Variants in COL28A1 observed in about 807,000 individuals in gnomAD.
The protein encoded by COL28A1 is collagen alpha-1(XXVIII) chain.
A neutral mutation model predicts 150.2 loss-of-function variants in COL28A1; 161 were observed. The observed-to-expected ratio is 1.07, with a 90% confidence interval of 0.94 to 1.22. The LOEUF is 1.22. Ranked by LOEUF, COL28A1 falls within the 50% of genes most tolerant of loss-of-function variation. The pLI is 0.00. For synonymous variants in COL28A1, 552 were observed against 469.7 expected (o/e 1.18, Z -2.26); for missense variants, 1,617 against 1,388.3 (o/e 1.16, Z -2.62).
At chr7:7,360,260 T>C in intron 34 of COL28A1, 130 bp downstream of exon 34, 1 of 827,230 alleles carries the variant, frequency 1.2e-6, no homozygotes, top group Non-Finnish European at 1.8e-6. Flanking sequence ...ATTTTCTCTC[T>C]GGGTAACCCT....
the COL28A1 span, among the ~76,000 whole-genome samples, chr7:7,342,960 T>C: frequency 6.6e-6 from 1 of 151,990 alleles, no homozygotes. Flanking sequence ...CATCAGTAAA[T>C]GCCTATTTCA....
chr7:7,436,241 T>C (rs1785332369), intron 23 of COL28A1, among the ~76,000 whole-genome samples, 154 bp downstream of exon 23: 1 of 152,228 alleles, frequency 6.6e-6, no homozygotes, highest in South Asian at 2.1e-4. Flanking sequence ...AACTATGTGA[T>C]TGCTTGTTTT....
intron 20 of COL28A1, among the ~76,000 whole-genome samples, 180 bp from the exon 21 acceptor site, chr7:7,441,041 A>C (rs532862812): frequency 6.6e-6 from 1 of 152,300 alleles, no homozygotes; most frequent in African/African-American, 2.4e-5. Context: ...ATGACTTCAG[A>C]TTGTTCAGCC....
At chr7:7,438,294 A>G (rs1266944068) in intron 21 of COL28A1, among the ~76,000 whole-genome samples, 1 of 152,178 alleles carries the variant, frequency 6.6e-6, no homozygotes. Flanking sequence ...GACATTTTTA[A>G]TAGAAAATTT....
At chr7:7,367,023 G>A (rs1322354515) in intron 33 of COL28A1, among the ~76,000 whole-genome samples, 1 of 152,168 alleles carries the variant, frequency 6.6e-6, no homozygotes, top group Non-Finnish European at 1.5e-5. Flanking sequence ...TGACATTTTG[G>A]TCAACCACAC....
At chr7:7,390,372 T>C (rs995578621) in intron 27 of COL28A1, among the ~76,000 whole-genome samples, 1 of 152,214 alleles carries the variant, frequency 6.6e-6, no homozygotes. Context: ...AGCTTTTTGA[T>C]GTGCTGCTGG....
At chr7:7,510,066 C>T (rs1781039459) in intron 9 of COL28A1, among the ~76,000 whole-genome samples, 2 of 151,976 alleles carry the variant, frequency 1.3e-5, no homozygotes, top group Non-Finnish European at 2.9e-5. Flanking sequence ...TCCTTGACTC[C>T]CTTCCAGAAT....
chr7:7,351,905 T>C (rs187722254), downstream of COL28A1, among the ~76,000 whole-genome samples: 1 of 152,210 alleles, frequency 6.6e-6, no homozygotes, highest in Non-Finnish European at 1.5e-5. Context: ...CAGGCCATCA[T>C]GGGAAGAGGG....
chr7:7,456,756 C>G (rs1787202631), intron 15 of COL28A1, among the ~76,000 whole-genome samples: 1 of 152,190 alleles, frequency 6.6e-6, no homozygotes, highest in African/African-American at 2.4e-5. Flanking sequence ...GTGACCAAAA[C>G]AGCTCAAAAT....
chr7:7,393,597 T>C (rs1299726311), intron 27 of COL28A1, among the ~76,000 whole-genome samples: 1 of 112,188 alleles, frequency 8.9e-6, no homozygotes, highest in Non-Finnish European at 1.8e-5. Flanking sequence ...GAGACGGGGG[T>C]TTTATCTATA....
At chr7:7,438,230 C>T (rs1785489280) in intron 21 of COL28A1, among the ~76,000 whole-genome samples, 1 of 152,070 alleles carries the variant, frequency 6.6e-6, no homozygotes, top group Admixed American at 6.5e-5. Flanking sequence ...CCAGCCTGAC[C>T]AACAGAGCAA....
At chr7:7,540,613 T>G (rs961442455), upstream of COL28A1, among the ~76,000 whole-genome samples, 1 of 152,196 alleles carries the variant, frequency 6.6e-6, no homozygotes, top group African/African-American at 2.4e-5. Context: ...CCTAGAAAAT[T>G]TTTAGGCCTT....
chr7:7,418,012 A>C, intron 26 of COL28A1, 85 bp from the exon 27 acceptor site: 1 of 1,087,996 alleles, frequency 9.2e-7, no homozygotes, highest in East Asian at 2.5e-5. Flanking sequence ...TCTCAGCTGC[A>C]TTCTTACTTC....
chr7:7,440,847 C>T lies in COL28A1; in HGVS notation c.1665G>A (p.Lys555=). 6.5e-7 allele frequency: 1 copy of T among 1,530,672 alleles called. No homozygotes were observed. The highest frequency in any genetic ancestry group is 9.1e-7 in the Non-Finnish European group (1 of 1,104,558). 94.8% of individuals were successfully genotyped at this position (1,530,672 alleles called of 1,614,324 possible). The change falls in exon 21 of 35, where the codon AAG becomes AAA. Residue 555 remains lysine, a synonymous_variant. Coordinates refer to ENST00000399429, the MANE Select transcript of COL28A1 (RefSeq NM_001037763.3). ...GQPGPKGDEG[K]KGSKGNQGQR... is the part of the protein sequence containing the mutation. Reference sequence around the variant, plus strand: ...GTCCTTGATTTCCTTTGCTCCCTTTCTTGCCTTCGTCACCCTAACAAAATA... The same window carrying T: ...GTCCTTGATTTCCTTTGCTCCCTTTTTTGCCTTCGTCACCCTAACAAAATA...
intron 13 of COL28A1, among the ~76,000 whole-genome samples, 196 bp downstream of exon 13, chr7:7,489,193 C>A (rs1224694798): frequency 6.6e-6 from 1 of 152,146 alleles, no homozygotes; most frequent in Non-Finnish European, 1.5e-5. Flanking sequence ...TCACTTGCAC[C>A]CAGGAGGTGG....
intron 3 of COL28A1, among the ~76,000 whole-genome samples, chr7:7,527,290 G>T (rs1018320543): frequency 3.3e-5 from 5 of 152,240 alleles, no homozygotes; most frequent in African/African-American, 1.2e-4. Flanking sequence ...ACCCGAGTAG[G>T]AAGGAGGTCC....
At chr7:7,481,290 G>A (rs1789364874) in intron 13 of COL28A1, among the ~76,000 whole-genome samples, 1 of 152,098 alleles carries the variant, frequency 6.6e-6, no homozygotes, top group African/African-American at 2.4e-5. Context: ...CAGTCTTTTA[G>A]GAGAAAAAAG....
At chr7:7,400,768 C>T (rs1783130443) in intron 27 of COL28A1, among the ~76,000 whole-genome samples, 1 of 151,262 alleles carries the variant, frequency 6.6e-6, no homozygotes, top group South Asian at 2.1e-4. Context: ...CAAGTGTTGC[C>T]TGTATACTTT....
rs145393344 is a variant in COL28A1, at chr7:7,506,667, A to C, written c.972+450T>G. Among the ~76,000 whole-genome samples, 247 of 152,374 alleles carry C rather than the reference A, an allele frequency of 1.6e-3. 2 individuals are homozygous for C. The highest frequency in any genetic ancestry group is 5.3e-3 in the African/African-American group (222 of 41,598). ...TCTGAAATCTATGGATGTCTAACTTAAATGCCTTAGAGAATCAGTCCATAT... is the reference window on the plus strand; with the variant it reads ...TCTGAAATCTATGGATGTCTAACTTCAATGCCTTAGAGAATCAGTCCATAT... On this transcript the variant is annotated intron_variant, in intron 10 of 34. Coordinates refer to ENST00000399429, the MANE Select transcript of COL28A1 (RefSeq NM_001037763.3).
Sources: gnomAD v4.1 joint callset for allele counts (sites outside exome capture counted in the v4.1 genomes callset) on GRCh38, gnomAD v4.1.1 for gene constraint, MANE v1.5 for transcripts, NCBI Gene and HGNC (gene_info 2026-07-23, HGNC 2026-07-21) for gene names.